The following MCF2L variants were observed in gnomAD, a reference collection of about 807,000 sequenced individuals.
MCF2L encodes MCF.2 cell line derived transforming sequence like, also known as guanine nucleotide exchange factor DBS.
MCF2L carries 97 observed loss-of-function variants against 153.4 expected under a neutral mutation model. The observed-to-expected ratio is 0.63, with a 90% confidence interval of 0.54 to 0.75. The LOEUF (loss-of-function observed/expected upper bound fraction) is 0.75. Ranked by LOEUF, MCF2L falls within the 30% of genes least tolerant of loss-of-function variation. The pLI is 0.00. For synonymous variants in MCF2L, 659 were observed against 632.2 expected, an observed-to-expected ratio of 1.04 and a Z score of -0.64; for missense variants, 1,347 against 1,495.2, an observed-to-expected ratio of 0.90 and a Z score of 1.64.
chr13:112,994,655 G>T (rs1307742769), intron 1 of MCF2L, among the ~76,000 whole-genome samples: 1 of 152,260 alleles, frequency 6.6e-6, no homozygotes, highest in Non-Finnish European at 1.5e-5. Context: ...CTGCGGTGAG[G>T]CCGCGCGATG....
At chr13:113,083,876 T>C (rs2034387122) in intron 17 of MCF2L, 122 bp from the exon 18 acceptor site, 6 of 767,008 alleles carry the variant, frequency 7.8e-6, no homozygotes, top group South Asian at 6.1e-5. Flanking sequence ...CTCCAAGTCA[T>C]GCGGGGCAGA....
At chr13:112,962,641 G>A (rs2081845653) in intron 2 of MCF2L, among the ~76,000 whole-genome samples, 1 of 152,222 alleles carries the variant, frequency 6.6e-6, no homozygotes, top group Non-Finnish European at 1.5e-5. Flanking sequence ...GCTGGGCAAA[G>A]CACAGGCCTA....
At chr13:112,973,665 G>GA (rs1253129278) in intron 1 of MCF2L, among the ~76,000 whole-genome samples, 2 of 152,222 alleles carry the variant, frequency 1.3e-5, no homozygotes, top group Non-Finnish European at 2.9e-5. Context: ...TTCACCTGTG[G>GA]AACCAGGGGC....
chr13:112,987,277 G>A (rs2082686219), intron 1 of MCF2L, among the ~76,000 whole-genome samples: 1 of 34,430 alleles, frequency 2.9e-5, no homozygotes, highest in Non-Finnish European at 9.7e-5. Flanking sequence ...GCTGTTGTCT[G>A]CAGCCACGCA....
At chr13:112,984,539 A>G (rs1031583413) in intron 1 of MCF2L, among the ~76,000 whole-genome samples, 1 of 152,190 alleles carries the variant, frequency 6.6e-6, no homozygotes, top group Admixed American at 6.5e-5. Context: ...CGCCCGGCCT[A>G]GAAATTCTCT....
intron 1 of MCF2L, among the ~76,000 whole-genome samples, chr13:113,006,081 C>T (rs991316124): frequency 7.9e-5 from 12 of 152,206 alleles, no homozygotes; most frequent in Non-Finnish European, 1.3e-4. Flanking sequence ...GCCATGTCCC[C>T]GCCTTCCTGC....
intron 1 of MCF2L, among the ~76,000 whole-genome samples, chr13:112,987,255 C>G (rs895049356): frequency 1.3e-5 from 2 of 150,764 alleles, no homozygotes; most frequent in Admixed American, 6.6e-5. Flanking sequence ...CCTTCCAGCG[C>G]TTTCCCGAAA....
At chr13:112,909,105 C>T in intron 2 of MCF2L, 1 of 715,010 alleles carries the variant, frequency 1.4e-6, no homozygotes, top group Non-Finnish European at 2.6e-6. Context: ...TTGAACTGTT[C>T]CCACTGCAAA....
chr13:112,938,413 T>C (rs190292300), intron 2 of MCF2L, among the ~76,000 whole-genome samples: 1 of 152,200 alleles, frequency 6.6e-6, no homozygotes, highest in Non-Finnish European at 1.5e-5. Flanking sequence ...TGTGGCTTAT[T>C]GTCAGTAAGT....
intron 4 of MCF2L, among the ~76,000 whole-genome samples, chr13:113,049,231 G>A (rs1352544319): frequency 2.0e-5 from 3 of 152,134 alleles, no homozygotes; most frequent in Non-Finnish European, 4.4e-5. Context: ...AGCTGGTTGT[G>A]CATGTGCTGA....
At chr13:113,021,996 C>G (rs1243966472) in intron 2 of MCF2L, among the ~76,000 whole-genome samples, 2 of 152,188 alleles carry the variant, frequency 1.3e-5, no homozygotes, top group Non-Finnish European at 2.9e-5. Flanking sequence ...TGGCCCCCAT[C>G]CTCTCCCCTG....
chr13:112,982,655 G>T (rs1456329445), intron 1 of MCF2L, among the ~76,000 whole-genome samples: 1 of 152,314 alleles, frequency 6.6e-6, no homozygotes, highest in African/African-American at 2.4e-5. Context: ...GTGGGAGGGG[G>T]GAGACGTGGT....
chr13:113,011,502 T>C (rs1035313832), intron 1 of MCF2L, among the ~76,000 whole-genome samples: 30 of 97,892 alleles, frequency 3.1e-4, no homozygotes, highest in East Asian at 1.3e-3. Context: ...GGTGGACAGG[T>C]GGTGTGGACG....
intron 2 of MCF2L, among the ~76,000 whole-genome samples, chr13:112,963,628 C>T (rs1284761672): frequency 1.3e-5 from 2 of 152,194 alleles, no homozygotes; most frequent in East Asian, 1.9e-4. Context: ...GGTAGAATTG[C>T]GTCCCCTGAA....
At position 113,064,723 on chromosome 13, in the gene MCF2L, T is replaced by C. The variant is rs2032092413; in HGVS notation, c.607-213T>C. On this transcript the variant is annotated intron_variant, in intron 6 of 29. Coordinates refer to ENST00000535094, the MANE Select transcript of MCF2L (RefSeq NM_001112732.3). This position sits in a 1 kb window ranked among gnomAD's most constrained non-coding sequence, Gnocchi z 6.0. The stretch of plus-strand genomic sequence containing the variant: ...GAGGCAGCGCAGGCACAGGCGACTC[T>C]AGGTGACGGGCACACGTGTAGAGTG... 1.7e-6 allele frequency: 1 copy of C among 598,392 alleles called. No homozygotes were observed. Among genetic ancestry groups the C allele is most frequent in the African/African-American group, 1.9e-5 (1 of 53,560 alleles). 37.1% of individuals were successfully genotyped at this position (598,392 alleles called of 1,614,324 possible).
Position 112,930,254 on chromosome 13 carries a change from TA to T in MCF2L, c.169+27884del, listed in dbSNP as rs1359680887. Among the ~76,000 whole-genome samples, 4 of 152,366 alleles carry T rather than the reference TA, an allele frequency of 2.6e-5. No homozygotes were observed. The East Asian group carries it at 7.7e-4, about 29-fold the overall frequency. ...ACAAAAACCTGCACATAAGTGTTTA[TA>T]GGAGCTTTATTCACAAGCACTAAAA... is the stretch of plus-strand genomic sequence containing the variant. On this transcript the variant is annotated intron_variant, in intron 2 of 29. Transcript: ENST00000375608.
intron 1 of MCF2L, chr13:113,009,847 G>A (rs2083962252): frequency 2.0e-5 from 3 of 152,278 alleles, no homozygotes. Flanking sequence ...CTCAGCCTTG[G>A]ACTTTGAAAA....
intron 5 of MCF2L, among the ~76,000 whole-genome samples, chr13:113,062,861 C>T (rs1201922648): frequency 6.6e-6 from 1 of 152,202 alleles, no homozygotes; most frequent in Non-Finnish European, 1.5e-5. Context: ...GGAGCTTATG[C>T]GGCCGTCGCA....
chr13:113,048,828 G>A (rs1459889086), intron 4 of MCF2L, among the ~76,000 whole-genome samples: 7 of 152,232 alleles, frequency 4.6e-5, no homozygotes, highest in Admixed American at 4.6e-4. Flanking sequence ...CATCACGGAT[G>A]TGAGGGAGGA....
Sources: gnomAD v4.1 joint callset for allele counts (sites outside exome capture counted in the v4.1 genomes callset) on GRCh38, gnomAD v4.1.1 for gene constraint, Gnocchi (gnomAD v3.1) non-coding constraint, MANE v1.5 for transcripts, NCBI Gene and HGNC (gene_info 2026-07-23, HGNC 2026-07-21) for gene names.